Variants in IL1RAPL1 observed in about 807,000 individuals in gnomAD.
IL1RAPL1 encodes interleukin-1 receptor accessory protein-like 1.
Under a neutral mutation model 48.4 loss-of-function variants are expected in IL1RAPL1, and 3 were observed. That is an observed-to-expected ratio of 0.06 (90% confidence interval 0.03 to 0.16). The LOEUF is 0.16. Ranked by LOEUF, IL1RAPL1 falls within the 10% of genes least tolerant of loss-of-function variation. The pLI, the probability that IL1RAPL1 is intolerant of heterozygous loss-of-function variation, is 1.00. For synonymous variants in IL1RAPL1, 185 were observed against 187.7 expected, an observed-to-expected ratio of 0.99 and a Z score of 0.12; for missense variants, 349 against 530.6, an observed-to-expected ratio of 0.66 and a Z score of 3.36.
At chrX:29,333,427 C>T (rs1170522378) in intron 3 of IL1RAPL1, among the ~76,000 whole-genome samples, 101 of 78,164 alleles carry the variant, frequency 1.3e-3, no homozygotes, top group Admixed American at 1.9e-3. Flanking sequence ...ACCTCCCTCC[C>T]GGACGGGGCG....
At chrX:28,654,676 G>A (rs1417647585) in intron 1 of IL1RAPL1, among the ~76,000 whole-genome samples, 1 of 111,867 alleles carries the variant, frequency 8.9e-6, no homozygotes, top group Non-Finnish European at 1.9e-5. Flanking sequence ...CACAGGGAAG[G>A]AAAGTATAAA....
At chrX:29,337,781 T>C (rs1482068705) in intron 3 of IL1RAPL1, among the ~76,000 whole-genome samples, 1 of 110,972 alleles carries the variant, frequency 9.0e-6, no homozygotes, top group Admixed American at 9.6e-5. Context: ...TTTAAGTGAT[T>C]CTCCTGCTTC....
intron 8 of IL1RAPL1, among the ~76,000 whole-genome samples, chrX:29,940,425 A>G (rs780137065): frequency 8.9e-6 from 1 of 111,893 alleles, no homozygotes; most frequent in South Asian, 3.7e-4. Context: ...ATGAAATTAG[A>G]TAACTTACTG....
intron 2 of IL1RAPL1, among the ~76,000 whole-genome samples, chrX:28,808,489 G>C (rs1445133355): frequency 9.1e-6 from 1 of 110,316 alleles, no homozygotes; most frequent in Non-Finnish European, 1.9e-5. Flanking sequence ...ATGAGAAACT[G>C]TTTTCCTGTG....
At chrX:28,767,338 T>C (rs915415479) in intron 1 of IL1RAPL1, among the ~76,000 whole-genome samples, 1 of 111,460 alleles carries the variant, frequency 9.0e-6, no homozygotes, top group Non-Finnish European at 1.9e-5. Context: ...CAGTGTCTAA[T>C]AGCCTTTTCT....
At chrX:29,933,767 ATAT>A (rs1417210388) in intron 8 of IL1RAPL1, among the ~76,000 whole-genome samples, 3 of 111,034 alleles carry the variant, frequency 2.7e-5, no homozygotes, top group East Asian at 2.8e-4. Context: ...AGCAAATGAA[ATAT>A]TATGTTATAT....
intron 6 of IL1RAPL1, among the ~76,000 whole-genome samples, chrX:29,798,791 G>A (rs1929809119): frequency 8.9e-6 from 1 of 112,232 alleles, no homozygotes; most frequent in East Asian, 2.8e-4. Flanking sequence ...AAGCTAAGTT[G>A]ACTAGGAGAG....
chrX:29,365,609 C>T (rs779163499), intron 3 of IL1RAPL1, among the ~76,000 whole-genome samples: 16 of 109,138 alleles, frequency 1.5e-4, no homozygotes, highest in African/African-American at 4.7e-4. Flanking sequence ...CGCTTGAGCC[C>T]GGGAGGTCGA....
At chrX:29,621,834 G>A (rs1448551453) in intron 5 of IL1RAPL1, among the ~76,000 whole-genome samples, 11 of 111,713 alleles carry the variant, frequency 9.8e-5, no homozygotes, top group Non-Finnish European at 1.9e-4. Context: ...GTAAACTGTA[G>A]TCACCCTACT....
At chrX:29,883,496 G>A (rs1344663676) in intron 6 of IL1RAPL1, among the ~76,000 whole-genome samples, 1 of 112,090 alleles carries the variant, frequency 8.9e-6, no homozygotes. Context: ...ATACAAATTA[G>A]TGTAGTGAAC....
intron 1 of IL1RAPL1, among the ~76,000 whole-genome samples, chrX:28,713,493 T>C (rs1935465154): frequency 9.0e-6 from 1 of 111,731 alleles, no homozygotes; most frequent in African/African-American, 3.2e-5. Flanking sequence ...ATATTATGCC[T>C]AATGTTATTT....
At chrX:28,751,741 A>G (rs1189828277) in intron 1 of IL1RAPL1, among the ~76,000 whole-genome samples, 3 of 112,235 alleles carry the variant, frequency 2.7e-5, no homozygotes, top group African/African-American at 9.7e-5. Flanking sequence ...AAATGAAAGA[A>G]TAAGTTTGAT....
intron 3 of IL1RAPL1, among the ~76,000 whole-genome samples, chrX:29,293,781 A>G (rs1932406654): frequency 9.0e-6 from 1 of 111,630 alleles, no homozygotes; most frequent in Non-Finnish European, 1.9e-5. Flanking sequence ...GTGGCTATAC[A>G]GGGTTATACT....
intron 1 of IL1RAPL1, among the ~76,000 whole-genome samples, chrX:28,601,469 A>G (rs7890750): frequency 1.3e-3 from 145 of 110,970 alleles, no homozygotes; most frequent in African/African-American, 4.6e-3. Context: ...AAAATCTCTC[A>G]ACTACCAAAA....
chrX:29,534,403 G>A (rs1921144717), intron 5 of IL1RAPL1, among the ~76,000 whole-genome samples: 2 of 112,229 alleles, frequency 1.8e-5, no homozygotes, highest in Admixed American at 1.9e-4. Flanking sequence ...ATATGTATAT[G>A]TCATAAGGAA....
intron 5 of IL1RAPL1, among the ~76,000 whole-genome samples, chrX:29,667,027 G>A (rs752051933): frequency 3.2e-4 from 36 of 111,835 alleles, no homozygotes; most frequent in Non-Finnish European, 5.8e-4. Context: ...CTTTAGGCAG[G>A]AAATAAGAGT....
intron 5 of IL1RAPL1, among the ~76,000 whole-genome samples, chrX:29,666,751 C>G (rs771885817): frequency 9.0e-6 from 1 of 110,731 alleles, no homozygotes; most frequent in African/African-American, 3.3e-5. Context: ...GAACAGGGAA[C>G]AGTTCTCTCA....
intron 1 of IL1RAPL1, among the ~76,000 whole-genome samples, chrX:28,654,391 TTAAA>T (rs1211611145): frequency 9.0e-6 from 1 of 111,358 alleles, no homozygotes; most frequent in Admixed American, 9.6e-5. Flanking sequence ...AAAAATTACT[TTAAA>T]TAAAAAAAAC....
intron 2 of IL1RAPL1, among the ~76,000 whole-genome samples, chrX:29,071,301 G>A (rs773858197): frequency 5.4e-5 from 6 of 111,217 alleles, no homozygotes; most frequent in African/African-American, 2.0e-4. Flanking sequence ...TAGGCCACAA[G>A]GATGAACAGG....
Sources: gnomAD v4.1 joint callset for allele counts (sites outside exome capture counted in the v4.1 genomes callset) on GRCh38, gnomAD v4.1.1 for gene constraint, MANE v1.5 for transcripts, NCBI Gene and HGNC (gene_info 2026-07-23, HGNC 2026-07-21) for gene names.